Variants in ATP2B2 observed in about 807,000 individuals in gnomAD.
ATP2B2 encodes ATPase plasma membrane Ca2+ transporting 2, also known as plasma membrane calcium-transporting ATPase 2.
In ATP2B2, 15 loss-of-function variants were observed where a neutral mutation model predicts 120.0. That is an observed-to-expected ratio of 0.12 (90% CI 0.08 to 0.19). ATP2B2 has a LOEUF of 0.19. ATP2B2 is among the 10% of genes least tolerant of loss of function. ATP2B2 has a pLI of 1.00. For synonymous variants in ATP2B2, 694 were observed against 700.3 expected, an observed-to-expected ratio of 0.99 and a Z score of 0.14; for missense variants, 1,045 against 1,719.8, an observed-to-expected ratio of 0.61 and a Z score of 6.94.
chr3:10,532,776 GC>G (rs1354456949), intron 3 of ATP2B2, among the ~76,000 whole-genome samples: 1 of 152,180 alleles, frequency 6.6e-6, no homozygotes, highest in Non-Finnish European at 1.5e-5. Context: ...GAGGCATGTG[GC>G]CCATCTGCTT....
At chr3:10,527,868 G>A (rs2067131045) in intron 3 of ATP2B2, among the ~76,000 whole-genome samples, 1 of 152,062 alleles carries the variant, frequency 6.6e-6, no homozygotes, top group African/African-American at 2.4e-5. Flanking sequence ...GCAGCGTATG[G>A]CCACACCCTG....
At chr3:10,581,126 A>G (rs533572667) in intron 2 of ATP2B2, among the ~76,000 whole-genome samples, 22 of 152,346 alleles carry the variant, frequency 1.4e-4, no homozygotes, top group Non-Finnish European at 2.4e-4. Context: ...CACTTGCCCA[A>G]GGTCATGCAA....
chr3:10,328,140 T>C lies in ATP2B2; in HGVS notation c.*674A>G, dbSNP rs902440245. 3 of 150,104 alleles carry C rather than the reference T, an allele frequency of 2.0e-5. No homozygotes were observed. The highest frequency in any genetic ancestry group is 7.3e-5 in the African/African-American group (3 of 41,014). 9.3% of individuals were successfully genotyped at this position (150,104 alleles called of 1,614,324 possible). On this transcript the variant is annotated 3_prime_UTR_variant, in exon 23 of 23. Transcript: ENST00000360273. Reference sequence around the variant, plus strand: ...ATATATTTATATATATATATATATATCTACCTATCTATATGGACGTATACA... The same window carrying C: ...ATATATTTATATATATATATATATACCTACCTATCTATATGGACGTATACA...
chr3:10,361,392 G>A (rs2060895201), intron 12 of ATP2B2, among the ~76,000 whole-genome samples: 1 of 152,134 alleles, frequency 6.6e-6, no homozygotes, highest in Non-Finnish European at 1.5e-5. Flanking sequence ...CTTTTTAACT[G>A]CTCTATAGAT....
At chr3:10,542,120 T>G (rs998031577) in intron 2 of ATP2B2, among the ~76,000 whole-genome samples, 2 of 152,222 alleles carry the variant, frequency 1.3e-5, no homozygotes, top group African/African-American at 4.8e-5. Context: ...ATCCTTTTAC[T>G]TTTAGCTTGC....
rs948460510 is a variant in ATP2B2 at position 10,607,885 on chromosome 3, T to C, written c.-415+12032A>G. 3.3e-5 allele frequency among the ~76,000 whole-genome samples: 5 copies of C among 152,098 alleles called. No homozygotes were observed. In the South Asian group the frequency reaches 8.3e-4, roughly 25 times the overall value. ...CTAGGGCAGGGGTCTAGGGGGGTGA[T>C]ACTATATCGAAGTCAGGTCCCAGTG... On this transcript the variant is annotated intron_variant, in intron 2 of 21. Coordinates refer to the ATP2B2 transcript ENST00000646379.
At chr3:10,370,132 G>T (rs565579804) in intron 12 of ATP2B2, among the ~76,000 whole-genome samples, 1 of 152,328 alleles carries the variant, frequency 6.6e-6, no homozygotes, top group African/African-American at 2.4e-5. Flanking sequence ...TGACATTTCA[G>T]CTTTGCCTCC....
At chr3:10,486,075 C>T (rs2065639718) in intron 1 of ATP2B2, among the ~76,000 whole-genome samples, 1 of 152,186 alleles carries the variant, frequency 6.6e-6, no homozygotes, top group Admixed American at 6.5e-5. Flanking sequence ...TCCCCTCAGC[C>T]AGTGGCCAGG....
intron 1 of ATP2B2, among the ~76,000 whole-genome samples, chr3:10,667,791 A>T (rs906544141): frequency 1.3e-5 from 2 of 152,188 alleles, no homozygotes; most frequent in Non-Finnish European, 1.5e-5. Context: ...AGATGGGGAG[A>T]CAGGCAGACA....
At chr3:10,432,426 T>TG (rs2063345907) in intron 2 of ATP2B2, among the ~76,000 whole-genome samples, 1 of 151,842 alleles carries the variant, frequency 6.6e-6, no homozygotes, top group East Asian at 1.9e-4. Flanking sequence ...GGTATGGGAG[T>TG]GGGGGTGACA....
chr3:10,628,355 G>A (rs554633027), intron 1 of ATP2B2, among the ~76,000 whole-genome samples: 8 of 152,242 alleles, frequency 5.3e-5, no homozygotes, highest in Non-Finnish European at 1.2e-4. Context: ...GGCAATGGTG[G>A]CCAGACTGGG....
At chr3:10,659,502 C>T (rs2070724667) in intron 1 of ATP2B2, among the ~76,000 whole-genome samples, 1 of 152,058 alleles carries the variant, frequency 6.6e-6, no homozygotes, top group South Asian at 2.1e-4. Flanking sequence ...CAAAGAAGGC[C>T]ATTACATAAT....
intron 2 of ATP2B2, among the ~76,000 whole-genome samples, chr3:10,608,097 T>C (rs943633790): frequency 1.3e-5 from 2 of 152,384 alleles, no homozygotes; most frequent in East Asian, 1.9e-4. Context: ...AGAGCAGAGC[T>C]GTCCCCTGCT....
At chr3:10,577,356 A>G (rs894568949) in intron 2 of ATP2B2, among the ~76,000 whole-genome samples, 45 of 152,280 alleles carry the variant, frequency 3.0e-4, no homozygotes, top group African/African-American at 1.0e-3. Context: ...CCATTTATGG[A>G]AAGTGGCAAG....
At chr3:10,434,142 A>G (rs1422985428) in intron 2 of ATP2B2, among the ~76,000 whole-genome samples, 1 of 152,274 alleles carries the variant, frequency 6.6e-6, no homozygotes, top group African/African-American at 2.4e-5. Flanking sequence ...AGAGAATAGT[A>G]AGAAGCAGAA....
At chr3:10,445,715 C>CTAATTTA (rs1213330844) in intron 2 of ATP2B2, among the ~76,000 whole-genome samples, 3 of 152,154 alleles carry the variant, frequency 2.0e-5, no homozygotes, top group Non-Finnish European at 4.4e-5. Context: ...AATGGGAAGG[C>CTAATTTA]TAATTTATGC....
intron 1 of ATP2B2, among the ~76,000 whole-genome samples, chr3:10,504,492 G>C (rs2066525366): frequency 1.3e-5 from 2 of 152,138 alleles, no homozygotes; most frequent in South Asian, 4.1e-4. Context: ...GTCGAGCCAG[G>C]CTGGGCCTCT....
At chr3:10,671,868 G>A (rs903613745) in intron 1 of ATP2B2, among the ~76,000 whole-genome samples, 6 of 152,146 alleles carry the variant, frequency 3.9e-5, no homozygotes, top group Admixed American at 1.3e-4. Flanking sequence ...TCTGTACCCC[G>A]TAGGAAAGCA....
intron 2 of ATP2B2, among the ~76,000 whole-genome samples, chr3:10,618,909 C>A (rs1459333600): frequency 6.6e-6 from 1 of 152,196 alleles, no homozygotes; most frequent in Admixed American, 6.5e-5. Flanking sequence ...CTTCCCCATC[C>A]TCTTCCAAGG....
Sources: gnomAD v4.1 joint callset for allele counts (sites outside exome capture counted in the v4.1 genomes callset) on GRCh38, gnomAD v4.1.1 for gene constraint, MANE v1.5 for transcripts, NCBI Gene and HGNC (gene_info 2026-07-23, HGNC 2026-07-21) for gene names.